The following CCR9 variants were observed in gnomAD, a reference collection of about 807,000 sequenced individuals.
CCR9 encodes the protein C-C chemokine receptor type 9.
Under a neutral mutation model 8.7 loss-of-function variants are expected in CCR9, and 4 were observed. That is an observed-to-expected ratio of 0.46 (90% CI 0.23 to 1.06). The LOEUF (loss-of-function observed/expected upper bound fraction) is 1.06, where lower values mean the gene tolerates loss of function less well. Ranked by LOEUF, CCR9 falls within the 50% of genes least tolerant of loss-of-function variation. CCR9 has a pLI of 0.21. For missense variants in CCR9, 394 were observed against 453.6 expected (o/e 0.87, Z 1.19); for synonymous variants, 159 against 168.8 (o/e 0.94, Z 0.45).
At chr3:45,895,372 G>T (rs78426777) in intron 2 of CCR9, among the ~76,000 whole-genome samples, 2 of 152,150 alleles carry the variant, frequency 1.3e-5, no homozygotes, top group South Asian at 4.1e-4. Flanking sequence ...ATGAAAACAC[G>T]TAACAGTATA....
Position 45,901,230 on chromosome 3 carries a change from A to AT in CCR9, c.444dup (p.Ala149CysfsTer56). 1 of 1,614,192 alleles carries AT rather than the reference A, an allele frequency of 6.2e-7. No individual in the cohort carries two copies. The highest frequency in any genetic ancestry group is 8.5e-7 in the Non-Finnish European group (1 of 1,180,018). Reference sequence around the variant, plus strand: ...CATCAGCGTGGACAGGTACATTGCCATTGCCCAGGCCATGAGAGCACATAC... The same window carrying AT: ...CATCAGCGTGGACAGGTACATTGCCATTTGCCCAGGCCATGAGAGCACATAC... On this transcript the variant is annotated frameshift_variant, in exon 3 of 3. Coordinates refer to ENST00000357632, the MANE Select transcript of CCR9 (RefSeq NM_031200.3). LOFTEE classifies it low-confidence loss of function (END_TRUNC). This position sits in a 1 kb window ranked among gnomAD's most constrained non-coding sequence, Gnocchi z 4.3.
In CCR9 at chr3:45,901,972, C is replaced by A; in HGVS notation, c.*74C>A. The stretch of plus-strand genomic sequence containing the variant: ...AGAAACAGTTTCCCCACTGATGGGA[C>A]CAGAGAGAGTGAAAGAGAAAAGAAA... On this transcript the variant is annotated 3_prime_UTR_variant, in exon 3 of 3. Transcript: ENST00000357632. The surrounding 1 kb of genome is among the most constrained non-coding windows in gnomAD (Gnocchi z 4.3). 1 of 1,215,618 alleles carries A rather than the reference C, an allele frequency of 8.2e-7. No individual in the cohort carries two copies. Among genetic ancestry groups the A allele is most frequent in the Non-Finnish European group, 1.2e-6 (1 of 865,770 alleles). The allele number at this position is 1,215,618 out of a possible 1,614,324, so 75.3% of individuals were successfully genotyped here.
At chr3:45,897,626 C>A in intron 2 of CCR9, 1 of 1,534,530 alleles carries the variant, frequency 6.5e-7, no homozygotes. Flanking sequence ...CCTTCCAGGA[C>A]CTTAGCCCAG....
At position 45,902,707 on chromosome 3, in the gene CCR9, GC is replaced by G. The variant is rs1320660318; in HGVS notation, c.*812del. 2.4e-5 allele frequency: 4 copies of G among 167,120 alleles called. No individual in the cohort carries two copies. Among genetic ancestry groups the G allele is most frequent in the Non-Finnish European group, 5.9e-5 (4 of 68,160 alleles). The allele number at this position is 167,120 out of a possible 1,614,324, so 10.4% of individuals were successfully genotyped here. On this transcript the variant is annotated 3_prime_UTR_variant, in exon 3 of 3. Transcript: ENST00000357632. ...GCTGGGTTCGCAGGAGCCAGCCTTGGCCCTGTTGTAGGCTTGTTCTGTTGAG... is the reference window on the plus strand; with the variant it reads ...GCTGGGTTCGCAGGAGCCAGCCTTGGCCTGTTGTAGGCTTGTTCTGTTGAG...
intron 2 of CCR9, chr3:45,897,632 C>T: frequency 6.5e-7 from 1 of 1,533,012 alleles, no homozygotes; most frequent in Non-Finnish European, 8.7e-7. Flanking sequence ...AGGACCTTAG[C>T]CCAGGACTAA....
At chr3:45,886,849 C>T (rs543035001) in intron 1 of CCR9, among the ~76,000 whole-genome samples, 194 bp downstream of exon 1, 9 of 152,146 alleles carry the variant, frequency 5.9e-5, no homozygotes, top group Admixed American at 2.6e-4. Flanking sequence ...TCTTGTAGGG[C>T]GAGTAATAAA....
At chr3:45,888,306 C>T (rs1249449015) in intron 1 of CCR9, among the ~76,000 whole-genome samples, 1 of 152,152 alleles carries the variant, frequency 6.6e-6, no homozygotes, top group African/African-American at 2.4e-5. Context: ...CCTTCAAGGA[C>T]CCGCAAAAAT....
At chr3:45,898,951 A>G (rs1702458271) in intron 2 of CCR9, among the ~76,000 whole-genome samples, 3 of 152,136 alleles carry the variant, frequency 2.0e-5, no homozygotes, top group South Asian at 4.1e-4. Flanking sequence ...GTGGATTACG[A>G]GGTCAGAAGT....
chr3:45,899,390 G>A (rs1702472652), intron 2 of CCR9, among the ~76,000 whole-genome samples: 1 of 152,132 alleles, frequency 6.6e-6, no homozygotes, highest in Admixed American at 6.5e-5. Context: ...GCTAACAGGA[G>A]GTAGAGAATA....
At position 45,901,449 on chromosome 3, in the gene CCR9, C is replaced by G; in HGVS notation, c.661C>G (p.Leu221Val). The G allele has an allele frequency of 6.2e-7, 1 of 1,614,156 alleles. No individual in the cohort carries two copies. Among genetic ancestry groups the G allele is most frequent in the African/African-American group, 1.3e-5 (1 of 75,034 alleles). Residue 221 changes from leucine to valine, a missense_variant, in exon 3 of 3, where the codon CTG becomes GTG. Leu to Val is a conservative substitution (Grantham distance 32). Transcript: ENST00000357632. The surrounding 1 kb of genome is among the most constrained non-coding windows in gnomAD (Gnocchi z 4.3). ...AGCTGTCTTGACCCTGAAGGTCATT[C>G]TGGGGTTCTTCCTTCCCTTCGTGGT... ...KSAVLTLKVI[L>V]GFFLPFVVMA...
intron 1 of CCR9, among the ~76,000 whole-genome samples, chr3:45,888,093 A>G (rs1404195939): frequency 6.6e-6 from 1 of 152,218 alleles, no homozygotes; most frequent in Admixed American, 6.5e-5. Flanking sequence ...ATACAAAAAT[A>G]GTGATTGGAT....
chr3:45,901,830 A>G lies in CCR9; in HGVS notation c.1042A>G (p.Arg348Gly), dbSNP rs1208489063. The G allele has an allele frequency of 6.2e-7, 1 of 1,613,486 alleles. No individual in the cohort carries two copies. Among genetic ancestry groups the G allele is most frequent in the African/African-American group, 1.3e-5 (1 of 74,922 alleles). ...CCAGGCCCAGTGGGTTTCATTTACA[A>G]GGAGAGAGGGAAGCTTGAAGCTGTC... ...ISQAQWVSFT[R>G]REGSLKLSSM... Residue 348 changes from arginine (R) to glycine (G), a missense_variant, in exon 3 of 3, where the codon AGG becomes GGG. Physicochemically the swap from Arg to Gly is moderately radical, Grantham distance 125. Transcript: ENST00000357632. The surrounding 1 kb of genome is among the most constrained non-coding windows in gnomAD (Gnocchi z 4.3).
intron 2 of CCR9, chr3:45,895,202 T>C (rs1702314920): frequency 1.9e-6 from 1 of 535,580 alleles, no homozygotes; most frequent in Non-Finnish European, 3.3e-6. Context: ...TATAAACAGC[T>C]AAGGATTTTT....
At chr3:45,887,924 T>C (rs1258765051) in intron 1 of CCR9, among the ~76,000 whole-genome samples, 1 of 152,202 alleles carries the variant, frequency 6.6e-6, no homozygotes, top group East Asian at 1.9e-4. Flanking sequence ...GTGTAGCAAA[T>C]TGTACAAAGT....
intron 1 of CCR9, among the ~76,000 whole-genome samples, chr3:45,889,108 G>C (rs1185962940): frequency 2.6e-5 from 4 of 152,166 alleles, no homozygotes; most frequent in Non-Finnish European, 4.4e-5. Flanking sequence ...GCGTCAGCCA[G>C]CTGAGTAGCT....
In CCR9 at chr3:45,900,311, C is replaced by T. The variant is rs914242306; in HGVS notation, c.22-499C>T. On this transcript the variant is annotated intron_variant, in intron 2 of 2. Transcript: ENST00000357632. This position sits in a 1 kb window ranked among gnomAD's most constrained non-coding sequence, Gnocchi z 4.7. ...TGGGTGTATGCTGGTGCTCCCGGAG[C>T]TTTCAGGAAACTCAGGGGACTGGGA... Among the ~76,000 whole-genome samples, 1 of 152,040 alleles carries T rather than the reference C, an allele frequency of 6.6e-6. No individual in the cohort carries two copies. Among genetic ancestry groups the T allele is most frequent in the African/African-American group, 2.4e-5 (1 of 41,384 alleles).
At chr3:45,893,066 G>A (rs181272346) in intron 1 of CCR9, among the ~76,000 whole-genome samples, 1 of 152,134 alleles carries the variant, frequency 6.6e-6, no homozygotes, top group Admixed American at 6.5e-5. Context: ...ACACAACCCA[G>A]ACAGTGAACA....
At chr3:45,887,717 A>C (rs1702025216) in intron 1 of CCR9, among the ~76,000 whole-genome samples, 2 of 152,214 alleles carry the variant, frequency 1.3e-5, no homozygotes, top group Admixed American at 1.3e-4. Flanking sequence ...ATCTGTTCTG[A>C]AGCCTCTTTG....
rs545190754 is a variant in CCR9, at chr3:45,898,715, C to G, written c.22-2095C>G. ...AGGACTAACATCTACTGTCCTTTAT[C>G]AATCAATTCAGTGAGCCCTGATATC... On this transcript the variant is annotated intron_variant, in intron 2 of 2. Transcript: ENST00000357632. Among the ~76,000 whole-genome samples, 3 of 152,354 alleles carry G rather than the reference C, an allele frequency of 2.0e-5. No homozygotes were observed. The South Asian group carries it at 6.2e-4, about 32-fold the overall frequency.
Sources: gnomAD v4.1 joint callset for allele counts (sites outside exome capture counted in the v4.1 genomes callset) on GRCh38, gnomAD v4.1.1 for gene constraint, Gnocchi (gnomAD v3.1) non-coding constraint, MANE v1.5 for transcripts, NCBI Gene and HGNC (gene_info 2026-07-23, HGNC 2026-07-21) for gene names.